The following SOX5 variants were observed in gnomAD, a reference collection of about 807,000 sequenced individuals.
SOX5 encodes the protein transcription factor SOX-5.
In SOX5, 9 loss-of-function variants were observed where a neutral mutation model predicts 92.0. The ratio of observed to expected loss-of-function variants is 0.10; its 90% confidence interval spans 0.06 to 0.17. SOX5 has a LOEUF of 0.17. Ranked by LOEUF, SOX5 falls within the 10% of genes least tolerant of loss-of-function variation. The pLI, the probability that SOX5 is intolerant of heterozygous loss-of-function variation, is 1.00. For missense variants in SOX5, 642 were observed against 944.5 expected (o/e 0.68, Z 4.20); for synonymous variants, 344 against 336.3 (o/e 1.02, Z -0.25).
chr12:24,158,695 C>A (rs1052593311), intron 4 of SOX5, among the ~76,000 whole-genome samples: 4 of 151,930 alleles, frequency 2.6e-5, no homozygotes, highest in African/African-American at 9.7e-5. Context: ...GCCACATATT[C>A]TTTGAGATAC....
At position 24,320,871 on chromosome 12, in the gene SOX5, A is replaced by G. The variant is rs501649; in HGVS notation, c.-173-43559T>C. On this transcript the variant is annotated intron_variant, in intron 2 of 4. Coordinates refer to the SOX5 transcript ENST00000446891. ...CAGAGCAAGACTCTGTCTCAAAAAA[A>G]AATAATAATAATAATAATAATAATA... Among the ~76,000 whole-genome samples, 267 of 148,300 alleles carry G rather than the reference A, an allele frequency of 1.8e-3. 2 individuals are homozygous for G. Among genetic ancestry groups the G allele is most frequent in the Middle Eastern group, 0.01 (3 of 286 alleles).
At chr12:23,963,104 C>T (rs937866490) in intron 4 of SOX5, among the ~76,000 whole-genome samples, 1 of 152,016 alleles carries the variant, frequency 6.6e-6, no homozygotes, top group Non-Finnish European at 1.5e-5. Context: ...TTAAAGAAAG[C>T]AAACAAATTA....
intron 4 of SOX5, among the ~76,000 whole-genome samples, chr12:24,049,230 C>T (rs551346354): frequency 1.8e-4 from 28 of 152,232 alleles, no homozygotes; most frequent in African/African-American, 6.7e-4. Flanking sequence ...TGTGTTAGGT[C>T]AAGGTAGACT....
chr12:23,936,350 C>G (rs937350422), intron 1 of SOX5, among the ~76,000 whole-genome samples: 2 of 150,950 alleles, frequency 1.3e-5, no homozygotes, highest in African/African-American at 4.8e-5. Flanking sequence ...TATATAATCT[C>G]TAAAATAATT....
At chr12:24,258,046 A>G (rs950441215) in intron 3 of SOX5, among the ~76,000 whole-genome samples, 2 of 152,012 alleles carry the variant, frequency 1.3e-5, no homozygotes, top group East Asian at 3.9e-4. Context: ...GGTGGCGGGC[A>G]CCTGTAGTCC....
intron 3 of SOX5, among the ~76,000 whole-genome samples, chr12:23,768,537 G>A (rs574129878): frequency 6.4e-4 from 97 of 152,250 alleles, no homozygotes; most frequent in Middle Eastern, 3.4e-3. Flanking sequence ...CAAAGGAGAT[G>A]ATTTAAATGA....
chr12:24,521,078 A>T (rs1229160818), intron 1 of SOX5, among the ~76,000 whole-genome samples: 1 of 152,300 alleles, frequency 6.6e-6, no homozygotes, highest in African/African-American at 2.4e-5. Flanking sequence ...TTTGAGACAA[A>T]GTCTCGCTCT....
chr12:24,475,501 G>A (rs1448063223), intron 1 of SOX5, among the ~76,000 whole-genome samples: 2 of 152,160 alleles, frequency 1.3e-5, no homozygotes, highest in South Asian at 2.1e-4. Context: ...GTGAAAAGTC[G>A]TGAGCAACAC....
chr12:23,806,931 T>C (rs1187310499), intron 3 of SOX5, among the ~76,000 whole-genome samples: 1 of 152,198 alleles, frequency 6.6e-6, no homozygotes, highest in Non-Finnish European at 1.5e-5. Flanking sequence ...TGTTTGTTTT[T>C]TGCAATCTTT....
intron 3 of SOX5, among the ~76,000 whole-genome samples, chr12:23,768,033 G>A (rs2094797642): frequency 6.6e-6 from 1 of 152,130 alleles, no homozygotes; most frequent in African/African-American, 2.4e-5. Flanking sequence ...ATCATACTAT[G>A]CCATGGATTC....
intron 4 of SOX5, among the ~76,000 whole-genome samples, chr12:23,963,447 T>G (rs1947184536): frequency 6.6e-6 from 1 of 152,214 alleles, no homozygotes; most frequent in South Asian, 2.1e-4. Flanking sequence ...TCTGCAGTTT[T>G]TTTAAATTAT....
chr12:24,259,726 C>G (rs963286481), intron 3 of SOX5, among the ~76,000 whole-genome samples: 1 of 152,078 alleles, frequency 6.6e-6, no homozygotes, highest in Admixed American at 6.6e-5. Context: ...TAACGAATAT[C>G]CATTACTAAA....
At chr12:24,535,042 C>T (rs1419949977) in intron 1 of SOX5, among the ~76,000 whole-genome samples, 6 of 152,226 alleles carry the variant, frequency 3.9e-5, no homozygotes, top group Non-Finnish European at 8.8e-5. Context: ...AACAACCAGA[C>T]CCAGCCAAGG....
At chr12:24,504,973 T>A (rs1389036153) in intron 1 of SOX5, among the ~76,000 whole-genome samples, 1 of 152,234 alleles carries the variant, frequency 6.6e-6, no homozygotes, top group African/African-American at 2.4e-5. Context: ...TCCTGGGGTT[T>A]GCAATTTTGC....
chr12:23,581,382 T>TATATCTTTATTC (rs1208377598), intron 9 of SOX5, among the ~76,000 whole-genome samples: 1 of 152,168 alleles, frequency 6.6e-6, no homozygotes, highest in Non-Finnish European at 1.5e-5. Flanking sequence ...CATCTTTATT[T>TATATCTTTATTC]ACATCTTTAT....
At chr12:24,018,720 C>A (rs190656954) in intron 4 of SOX5, among the ~76,000 whole-genome samples, 1 of 152,110 alleles carries the variant, frequency 6.6e-6, no homozygotes, top group Non-Finnish European at 1.5e-5. Flanking sequence ...TCGCTTGAAC[C>A]TGGGAGGCGG....
chr12:24,497,000 A>C (rs914153939), intron 1 of SOX5, among the ~76,000 whole-genome samples: 1 of 152,214 alleles, frequency 6.6e-6, no homozygotes, highest in East Asian at 1.9e-4. Context: ...GTACAGGAGG[A>C]ATTTGTTAGA....
intron 9 of SOX5, among the ~76,000 whole-genome samples, chr12:23,583,417 A>G (rs1479397515): frequency 6.6e-6 from 1 of 152,132 alleles, no homozygotes; most frequent in Non-Finnish European, 1.5e-5. Context: ...CTATTCTTGA[A>G]AAGAGGAAGA....
chr12:24,404,248 C>CCA (rs148310199), intron 1 of SOX5, among the ~76,000 whole-genome samples: 144 of 151,482 alleles, frequency 9.5e-4, no homozygotes, highest in African/African-American at 2.3e-3. Flanking sequence ...GTGAAGCCGA[C>CCA]CACACACACA....
Sources: gnomAD v4.1 joint callset for allele counts (sites outside exome capture counted in the v4.1 genomes callset) on GRCh38, gnomAD v4.1.1 for gene constraint, MANE v1.5 for transcripts, NCBI Gene and HGNC (gene_info 2026-07-23, HGNC 2026-07-21) for gene names.